The following FAM50B variants were observed in gnomAD, a reference collection of about 807,000 sequenced individuals.
The protein encoded by FAM50B is protein FAM50B.
FAM50B carries 9 observed loss-of-function variants against 25.4 expected under a neutral mutation model. The observed-to-expected ratio is 0.35, with a 90% CI of 0.21 to 0.62. The LOEUF is 0.62. Ranked by LOEUF, FAM50B falls within the 20% of genes least tolerant of loss-of-function variation. The pLI, the probability that FAM50B is intolerant of heterozygous loss-of-function variation, is 0.73. For missense variants in FAM50B, 372 were observed against 477.9 expected (o/e 0.78, Z 2.07); for synonymous variants, 212 against 204.3 (o/e 1.04, Z -0.32).
chr6:3,844,154 A>G, the FAM50B span, among the ~76,000 whole-genome samples: 1 of 152,194 alleles, frequency 6.6e-6, no homozygotes, highest in Non-Finnish European at 1.5e-5. Context: ...TCTCTTGTTA[A>G]AATAGTTTAA....
chr6:3,837,906 A>G, the FAM50B span, among the ~76,000 whole-genome samples: 1 of 152,134 alleles, frequency 6.6e-6, no homozygotes, highest in Non-Finnish European at 1.5e-5. Context: ...TGACCCAATC[A>G]CTTCTCAAAG....
Position 3,850,620 on chromosome 6 carries a change from T to TGCACGATGACGTGCGCCTGCTCA in FAM50B, c.812_834dup (p.Asp279ThrfsTer73). 6.2e-7 allele frequency: 1 copy of TGCACGATGACGTGCGCCTGCTCA among 1,614,138 alleles called. No individual in the cohort carries two copies. Among genetic ancestry groups the TGCACGATGACGTGCGCCTGCTCA allele is most frequent in the Non-Finnish European group, 8.5e-7 (1 of 1,180,048 alleles). On this transcript the variant is annotated frameshift_variant, in exon 2 of 2. Transcript: ENST00000648326. LOFTEE classifies it high-confidence loss of function. ...AGCGGGCCGCTCTTCAGCTTCGATG[T>TGCACGATGACGTGCGCCTGCTCA]GCACGATGACGTGCGCCTGCTCAGC...
Position 3,850,584 on chromosome 6 carries a change from C to T in FAM50B, c.773C>T (p.Ala258Val), listed in dbSNP as rs748727501. The change falls in exon 2 of 2, where the codon GCG becomes GTG. Residue 258 changes from alanine (A) to valine (V), a missense_variant. Physicochemically the swap from Ala to Val is moderately conservative, Grantham distance 64 (BLOSUM62 0). Coordinates refer to ENST00000648326, the MANE Select transcript of FAM50B (RefSeq NM_012135.3). ...HTFYDFIIAR[A>V]RGKSGPLFSF... ...TTCTACGACTTCATCATCGCCAGGGCGAGGGGCAAGAGCGGGCCGCTCTTC... is the reference window on the plus strand; with the variant it reads ...TTCTACGACTTCATCATCGCCAGGGTGAGGGGCAAGAGCGGGCCGCTCTTC... The T allele has an allele frequency of 9.3e-6, 15 of 1,613,980 alleles. No homozygotes were observed. The highest frequency in any genetic ancestry group is 2.2e-5 in the East Asian group (1 of 44,876).
the FAM50B span, among the ~76,000 whole-genome samples, chr6:3,832,646 A>G: frequency 0.013 from 2,043 of 152,214 alleles, 19 homozygotes; most frequent in Middle Eastern, 0.034. Context: ...TCTTGAATCA[A>G]TGCTTCCCCT....
the FAM50B span, among the ~76,000 whole-genome samples, chr6:3,839,983 G>A: frequency 8.5e-6 from 1 of 118,066 alleles, no homozygotes; most frequent in East Asian, 2.3e-4. Context: ...TGTTGTTGTT[G>A]TTGTTGTTTG....
upstream of FAM50B, among the ~76,000 whole-genome samples, chr6:3,847,670 G>T (rs1762138751): frequency 6.6e-6 from 1 of 152,204 alleles, no homozygotes; most frequent in Admixed American, 6.5e-5. Flanking sequence ...TTTCATTCAA[G>T]ATTTTTTTCC....
chr6:3,834,107 A>G, the FAM50B span, among the ~76,000 whole-genome samples: 2 of 152,146 alleles, frequency 1.3e-5, no homozygotes. Context: ...AAAAATTGGT[A>G]CCGACTGACA....
chr6:3,847,364 C>T (rs1218027275), upstream of FAM50B, among the ~76,000 whole-genome samples: 1 of 152,270 alleles, frequency 6.6e-6, no homozygotes, highest in African/African-American at 2.4e-5. Flanking sequence ...CCTGCTGCAG[C>T]TTCTCCATCA....
intron 1 of FAM50B, 105 bp downstream of exon 1, chr6:3,849,591 G>T: frequency 1.3e-6 from 1 of 759,730 alleles, no homozygotes; most frequent in Admixed American, 3.2e-5. Flanking sequence ...GTTCGCATTT[G>T]CATTTATTGA....
chr6:3,833,201 G>A, the FAM50B span, among the ~76,000 whole-genome samples: 1 of 152,112 alleles, frequency 6.6e-6, no homozygotes, highest in African/African-American at 2.4e-5. Context: ...AACTGAGTCA[G>A]TCCCATATAC....
At chr6:3,832,973 C>T in the FAM50B span, among the ~76,000 whole-genome samples, 8 of 152,008 alleles carry the variant, frequency 5.3e-5, no homozygotes, top group African/African-American at 1.2e-4. Flanking sequence ...GCGATTCTCC[C>T]GTCTCAGCCC....
rs777931418 is a variant in FAM50B at position 3,850,115 on chromosome 6, G to A, written c.304G>A (p.Glu102Lys). Reference sequence around the variant, plus strand: ...CCTGGAGGAGCAGCGGCTGCAGCAGGAGCGGCAGCGGGAGCAGGAGCAGCG... The same window carrying A: ...CCTGGAGGAGCAGCGGCTGCAGCAGAAGCGGCAGCGGGAGCAGGAGCAGCG... ...QHLEEQRLQQ[E>K]RQREQEQRRE... Residue 102 changes from glutamate to lysine, a missense_variant, in exon 2 of 2, where the codon GAG (glutamate) becomes AAG (lysine). By Grantham distance (56) the Glu-to-Lys change is moderately conservative. Transcript: ENST00000648326. The A allele has an allele frequency of 6.2e-7, 1 of 1,609,684 alleles. No homozygotes were observed. Among genetic ancestry groups the A allele is most frequent in the Non-Finnish European group, 8.5e-7 (1 of 1,178,490 alleles).
Position 3,850,501 on chromosome 6 carries a change from C to T in FAM50B, c.690C>T (p.Ala230=), listed in dbSNP as rs989432033. The change falls in exon 2 of 2, where the codon GCC becomes GCT. Residue 230 remains alanine (A), a synonymous_variant. Transcript: ENST00000648326. ...AGGACTTCCTGGAGCTGCGCTCCGC[C>T]GGCGTGGAGCAGCTCATGTTCATCA... The part of the protein sequence containing the change: ...LRKDFLELRS[A]GVEQLMFIKE... 2 of 1,613,606 alleles carry T rather than the reference C, an allele frequency of 1.2e-6. No homozygotes were observed. Among genetic ancestry groups the T allele is most frequent in the African/African-American group, 1.3e-5 (1 of 74,950 alleles).
chr6:3,839,241 G>A, the FAM50B span, among the ~76,000 whole-genome samples: 1 of 151,896 alleles, frequency 6.6e-6, no homozygotes, highest in African/African-American at 2.4e-5. Context: ...CAAAAGGAGA[G>A]AGGGGGAGCT....
the FAM50B span, among the ~76,000 whole-genome samples, chr6:3,832,902 C>G: frequency 1.3e-5 from 2 of 151,960 alleles, no homozygotes; most frequent in Non-Finnish European, 2.9e-5. Flanking sequence ...CTGTCTCACC[C>G]AGGTTGGAGT....
chr6:3,833,939 T>C, the FAM50B span: 1 of 152,220 alleles, frequency 6.6e-6, no homozygotes, highest in Non-Finnish European at 1.5e-5. Flanking sequence ...TCTCAACTGA[T>C]AGAATATACA....
chr6:3,834,264 A>G, the FAM50B span, among the ~76,000 whole-genome samples: 1 of 151,608 alleles, frequency 6.6e-6, no homozygotes, highest in Non-Finnish European at 1.5e-5. Context: ...AAATTCATAT[A>G]TGTATAAAAT....
chr6:3,841,660 C>T, the FAM50B span, among the ~76,000 whole-genome samples: 1 of 152,216 alleles, frequency 6.6e-6, no homozygotes, highest in Non-Finnish European at 1.5e-5. Flanking sequence ...CTTGGTCCTT[C>T]ACTTGCTTAC....
upstream of FAM50B, among the ~76,000 whole-genome samples, chr6:3,846,021 T>C (rs1382066944): frequency 6.6e-6 from 1 of 152,140 alleles, no homozygotes; most frequent in Non-Finnish European, 1.5e-5. Flanking sequence ...GCGCCTGGCC[T>C]GAAAGGGCAT....
Sources: allele counts gnomAD v4.1 joint callset (sites outside exome capture counted in the v4.1 genomes callset), GRCh38; gene constraint gnomAD v4.1.1; transcripts MANE v1.5; gene names NCBI Gene and HGNC (gene_info 2026-07-23, HGNC 2026-07-21).